The following HOXA6 variants were observed in gnomAD, a reference collection of about 807,000 sequenced individuals.
HOXA6 encodes homeobox protein Hox-A6.
Under a neutral mutation model 23.2 loss-of-function variants are expected in HOXA6, and 19 were observed. The observed-to-expected ratio is 0.82, with a 90% CI of 0.57 to 1.20. The LOEUF (loss-of-function observed/expected upper bound fraction) is 1.20. HOXA6 is among the 50% of genes most tolerant of loss of function. The probability of loss-of-function intolerance (pLI) is 0.00; values close to 1 mark genes in which losing one functional copy is unlikely to be tolerated. For missense variants in HOXA6, 346 were observed against 313.6 expected, an observed-to-expected ratio of 1.10 and a Z score of -0.78; for synonymous variants, 140 against 132.6, an observed-to-expected ratio of 1.06 and a Z score of -0.38.
Position 27,147,399 on chromosome 7 carries a change from G to T in HOXA6, c.351C>A (p.Ser117Arg), listed in dbSNP as rs777734969. 6.2e-7 allele frequency: 1 copy of T among 1,614,192 alleles called. No homozygotes were observed. The highest frequency in any genetic ancestry group is 1.1e-5 in the South Asian group (1 of 91,080). ...PEQQYKPDSS[S>R]GQGKALHDEG... is the part of the protein sequence containing the mutation. ...CGTCATGGAGTGCTTTGCCCTGCCC[G>T]CTGCTGCTGTCGGGTTTGTACTGCT... is the stretch of plus-strand genomic sequence containing the variant. Residue 117 changes from serine to arginine, a missense_variant, in exon 1 of 2, where the codon AGC becomes AGA. Physicochemically the swap from Ser to Arg is moderately radical, Grantham distance 110 (BLOSUM62 -1). Coordinates refer to ENST00000222728, the MANE Select transcript of HOXA6 (RefSeq NM_024014.4).
chr7:27,147,533 C>G lies in HOXA6; in HGVS notation c.217G>C (p.Glu73Gln), dbSNP rs1397281757. The G allele has an allele frequency of 3.1e-6, 5 of 1,614,090 alleles. No homozygotes were observed. Among genetic ancestry groups the G allele is most frequent in the Admixed American group, 1.7e-5 (1 of 60,010 alleles). ...SVLACNRASY[E>Q]YGASCFYSDK... is the part of the protein sequence containing the mutation. ...GAATAGAAACACGAGGCCCCGTACT[C>G]GTAGGACGCCCGGTTGCAGGCCAGG... The change falls in exon 1 of 2, where the codon GAG (glutamate) becomes CAG (glutamine). Residue 73 changes from glutamate to glutamine, a missense_variant. Glu to Gln is a conservative substitution (Grantham distance 29). Coordinates refer to ENST00000222728, the MANE Select transcript of HOXA6 (RefSeq NM_024014.4).
rs745356849 is a variant in HOXA6 at position 27,147,479 on chromosome 7, A to T, written c.271T>A (p.Ser91Thr). The T allele has an allele frequency of 6.2e-7, 1 of 1,614,046 alleles. No homozygotes were observed. Residue 91 changes from serine (S) to threonine (T), a missense_variant, in exon 1 of 2, where the codon TCG becomes ACG. By Grantham distance (58) the Ser-to-Thr change is moderately conservative. Transcript: ENST00000222728. The stretch of plus-strand genomic sequence containing the variant: ...GGGCCCCTCTGCTTGCCACTGCCCG[A>T]GGGCGAGGCGCCACTGAGGTCCTTA... ...SDKDLSGASP[S>T]GSGKQRGPGD...
Position 27,147,741 on chromosome 7 carries a change from G to C in HOXA6, c.9C>G (p.Ser3=). 6.2e-7 allele frequency: 1 copy of C among 1,606,634 alleles called. No individual in the cohort carries two copies. Residue 3 remains serine (S), a synonymous_variant, in exon 1 of 2, where the codon TCC becomes TCG. Transcript: ENST00000222728. MS[S]YFVNPTFPGS... is the part of the protein sequence containing the mutation. ...CGGGGAAAGTGGGATTCACAAAATA[G>C]GAACTCATTTGCGCGCCCCTCTGCA...
chr7:27,147,341 A>T lies in HOXA6; in HGVS notation c.409T>A (p.Tyr137Asn). ...GAGTTCATCCGCTGCATCCAAGGGT[A>T]AACCGGGCTCGTGTACTTCCGGTCG... ...GADRKYTSPVYPWMQRMNSCA... is the reference protein window; with the variant it reads ...GADRKYTSPVNPWMQRMNSCA... Residue 137 changes from tyrosine to asparagine, a missense_variant, in exon 1 of 2, where the codon TAC becomes AAC. By Grantham distance (143) the Tyr-to-Asn change is moderately radical (BLOSUM62 -2). Coordinates refer to ENST00000222728, the MANE Select transcript of HOXA6 (RefSeq NM_024014.4). 6.2e-7 allele frequency: 1 copy of T among 1,614,038 alleles called. No homozygotes were observed. Among genetic ancestry groups the T allele is most frequent in the East Asian group, 2.2e-5 (1 of 44,896 alleles).
Position 27,145,488 on chromosome 7 carries a change from T to C in HOXA6, c.*170A>G. 1.3e-6 allele frequency: 1 copy of C among 790,808 alleles called. No homozygotes were observed. The highest frequency in any genetic ancestry group is 1.7e-5 in the South Asian group (1 of 58,190). 49.0% of individuals were successfully genotyped at this position (790,808 alleles called of 1,614,324 possible). The stretch of plus-strand genomic sequence containing the variant: ...TTTTGTTTTGTTTTGTTTTGTTTTG[T>C]TTTGTTTTGTAAGAAATAAATGCAC... On this transcript the variant is annotated 3_prime_UTR_variant, in exon 2 of 2. Coordinates refer to ENST00000222728, the MANE Select transcript of HOXA6 (RefSeq NM_024014.4).
chr7:27,146,414 A>G (rs181950878), intron 1 of HOXA6, among the ~76,000 whole-genome samples: 3 of 152,272 alleles, frequency 2.0e-5, no homozygotes, highest in Admixed American at 6.5e-5. Context: ...GCCCTCTTGA[A>G]TCTTTACACA....
In HOXA6 at chr7:27,145,931, C is replaced by T. The variant is rs1782744971; in HGVS notation, c.443-14G>A. ...CATACACAGCACCTACGAGCAGAAA[C>T]GGCCGGGCGCCGGTAAGCCAGGGCC... On this transcript the variant is annotated splice_polypyrimidine_tract_variant and intron_variant, in intron 1 of 1. Transcript: ENST00000222728. 11 of 1,607,714 alleles carry T rather than the reference C, an allele frequency of 6.8e-6. No individual in the cohort carries two copies. The highest frequency in any genetic ancestry group is 9.3e-6 in the Non-Finnish European group (11 of 1,177,382).
chr7:27,145,601 G>A lies in HOXA6; in HGVS notation c.*57C>T, dbSNP rs1782729371. On this transcript the variant is annotated 3_prime_UTR_variant, in exon 2 of 2. Coordinates refer to ENST00000222728, the MANE Select transcript of HOXA6 (RefSeq NM_024014.4). The stretch of plus-strand genomic sequence containing the variant: ...GGAGAAAAGTTGGGGAACAGGCGAG[G>A]GCAAGGGGGCAAAGCCGAAGGAGGT... 2 of 1,570,804 alleles carry A rather than the reference G, an allele frequency of 1.3e-6. No individual in the cohort carries two copies. Among genetic ancestry groups the A allele is most frequent in the Admixed American group, 1.7e-5 (1 of 57,664 alleles).
chr7:27,146,103 C>G lies in HOXA6; in HGVS notation c.443-186G>C, dbSNP rs138728884. On this transcript the variant is annotated intron_variant, in intron 1 of 1. Transcript: ENST00000222728. ...TATTTCATACCAAGCGAGATGTTTTCCACCTATAACGACTTGGGGTGGACA... is the reference window on the plus strand; with the variant it reads ...TATTTCATACCAAGCGAGATGTTTTGCACCTATAACGACTTGGGGTGGACA... Among the ~76,000 whole-genome samples the G allele has an allele frequency of 1.8e-4, 28 of 152,320 alleles. 1 individual carries two copies. In the East Asian group the frequency reaches 5.4e-3, roughly 29 times the overall value.
Position 27,147,319 on chromosome 7 carries a change from T to C in HOXA6, c.431A>G (p.Asn144Ser). ...SPVYPWMQRM[N>S]SCAGAVYGSH... ...GGGATATGTCTTACCCGCGCAGGAG[T>C]TCATCCGCTGCATCCAAGGGTAAAC... The change falls in exon 1 of 2, where the codon AAC becomes AGC. Residue 144 changes from asparagine (N) to serine (S), a missense_variant. By Grantham distance (46) the Asn-to-Ser change is conservative. Coordinates refer to ENST00000222728, the MANE Select transcript of HOXA6 (RefSeq NM_024014.4). 1 of 1,613,658 alleles carries C rather than the reference T, an allele frequency of 6.2e-7. No individual in the cohort carries two copies. The highest frequency in any genetic ancestry group is 8.5e-7 in the Non-Finnish European group (1 of 1,179,790).
At position 27,145,813 on chromosome 7, in the gene HOXA6, G is replaced by T; in HGVS notation, c.547C>A (p.Arg183Ser). 6.2e-7 allele frequency: 1 copy of T among 1,614,274 alleles called. No individual in the cohort carries two copies. Among genetic ancestry groups the T allele is most frequent in the Non-Finnish European group, 8.5e-7 (1 of 1,180,054 alleles). ...GCGTTGGCGATCTCGATGCGGCGGCGCCGTGTCAGGTAGCGGTTGAAGTGG... is the reference window on the plus strand; with the variant it reads ...GCGTTGGCGATCTCGATGCGGCGGCTCCGTGTCAGGTAGCGGTTGAAGTGG... Reference protein sequence around the residue: ...EFHFNRYLTRRRRIEIANALC... With the variant: ...EFHFNRYLTRSRRIEIANALC... The change falls in exon 2 of 2, where the codon CGC becomes AGC. Residue 183 changes from arginine (R) to serine (S), a missense_variant. Physicochemically the swap from Arg to Ser is moderately radical, Grantham distance 110 (BLOSUM62 -1). Coordinates refer to ENST00000222728, the MANE Select transcript of HOXA6 (RefSeq NM_024014.4).
chr7:27,146,120 G>C (rs1192879490), intron 1 of HOXA6, among the ~76,000 whole-genome samples: 1 of 152,190 alleles, frequency 6.6e-6, no homozygotes, highest in Non-Finnish European at 1.5e-5. Flanking sequence ...TAACGACTTG[G>C]GGTGGACATT....
chr7:27,145,829 G>A lies in HOXA6; in HGVS notation c.531C>T (p.Asn177=). The A allele has an allele frequency of 6.2e-7, 1 of 1,614,276 alleles. No individual in the cohort carries two copies. The highest frequency in any genetic ancestry group is 8.5e-7 in the Non-Finnish European group (1 of 1,180,052). Residue 177 remains asparagine, a synonymous_variant, in exon 2 of 2, where the codon AAC becomes AAT. Transcript: ENST00000222728. ...TGCGGCGGCGCCGTGTCAGGTAGCG[G>A]TTGAAGTGGAACTCCTTCTCCAGCT... ...TLELEKEFHF[N]RYLTRRRRIE...
Position 27,147,706 on chromosome 7 carries a change from G to A in HOXA6, c.44C>T (p.Pro15Leu). 6.2e-7 allele frequency: 1 copy of A among 1,612,698 alleles called. No individual in the cohort carries two copies. The change falls in exon 1 of 2, where the codon CCC becomes CTC. Residue 15 changes from proline (P) to leucine (L), a missense_variant. Coordinates refer to ENST00000222728, the MANE Select transcript of HOXA6 (RefSeq NM_024014.4). ...GCCCAAGAAGGAGTCCTGGCCGCTG[G>A]GAAGGCTCCCGGGGAAAGTGGGATT... The part of the protein sequence containing the change: ...FVNPTFPGSL[P>L]SGQDSFLGQL...
chr7:27,145,978 C>G, intron 1 of HOXA6, 61 bp from the exon 2 acceptor site: 1 of 1,549,392 alleles, frequency 6.5e-7, no homozygotes, highest in Middle Eastern at 1.7e-4. Flanking sequence ...CCCAGTCAGC[C>G]CAGTGCCTCC....
intron 1 of HOXA6, chr7:27,147,034 G>C (rs1583412448): frequency 7.6e-6 from 4 of 523,520 alleles, no homozygotes; most frequent in Non-Finnish European, 1.3e-5. Context: ...TCTTCAGGCT[G>C]TCCCTGTCAC....
Position 27,145,593 on chromosome 7 carries a change from C to A in HOXA6, c.*65G>T. The A allele has an allele frequency of 6.4e-7, 1 of 1,552,772 alleles. No individual in the cohort carries two copies. Among genetic ancestry groups the A allele is most frequent in the Non-Finnish European group, 8.7e-7 (1 of 1,151,158 alleles). ...GCAGGCGGGGAGAAAAGTTGGGGAA[C>A]AGGCGAGGGCAAGGGGGCAAAGCCG... is the stretch of plus-strand genomic sequence containing the variant. On this transcript the variant is annotated 3_prime_UTR_variant, in exon 2 of 2. Transcript: ENST00000222728.
chr7:27,145,738 TGCG>T lies in HOXA6; in HGVS notation c.619_621del (p.Arg207del), dbSNP rs1199618926. 3 of 1,614,234 alleles carry T rather than the reference TGCG, an allele frequency of 1.9e-6. No individual in the cohort carries two copies. The highest frequency in any genetic ancestry group is 2.5e-6 in the Non-Finnish European group (3 of 1,180,040). On this transcript the variant is annotated inframe_deletion, in exon 2 of 2. Transcript: ENST00000222728. The stretch of plus-strand genomic sequence containing the variant: ...AGCTTGTTTTCCTTTTTCCACTTCA[TGCG>T]GCGGTTCTGGAACCAGATCTTGATC...
chr7:27,147,763 T>G lies in HOXA6; in HGVS notation c.-14A>C. 1.3e-6 allele frequency: 2 copies of G among 1,595,844 alleles called. No individual in the cohort carries two copies. The highest frequency in any genetic ancestry group is 1.7e-6 in the Non-Finnish European group (2 of 1,174,928). On this transcript the variant is annotated 5_prime_UTR_variant, in exon 1 of 2. Coordinates refer to ENST00000222728, the MANE Select transcript of HOXA6 (RefSeq NM_024014.4). ...ATAGGAACTCATTTGCGCGCCCCTC[T>G]GCAGGACTGTGATTTGTTGTGTATT...
Sources: gnomAD v4.1 joint callset for allele counts (sites outside exome capture counted in the v4.1 genomes callset) on GRCh38, gnomAD v4.1.1 for gene constraint, MANE v1.5 for transcripts, NCBI Gene and HGNC (gene_info 2026-07-23, HGNC 2026-07-21) for gene names.